Variants in DACH1 observed in about 807,000 individuals in gnomAD.
DACH1 encodes the protein dachshund homolog 1.
DACH1 carries 12 observed loss-of-function variants against 54.2 expected under a neutral mutation model. The observed-to-expected ratio is 0.22, with a 90% CI of 0.14 to 0.36. The LOEUF (loss-of-function observed/expected upper bound fraction) is 0.36, where lower values mean the gene tolerates loss of function less well. DACH1 is among the 10% of genes least tolerant of loss of function. The pLI is 1.00. For missense variants in DACH1, 805 were observed against 929.8 expected, an observed-to-expected ratio of 0.87 and a Z score of 1.75; for synonymous variants, 386 against 366.2, an observed-to-expected ratio of 1.05 and a Z score of -0.62.
At position 71,590,843 on chromosome 13, in the gene DACH1, C is replaced by T. The variant is rs146929864; in HGVS notation, c.1127-17831G>A. Reference sequence around the variant, plus strand: ...TCTACAATTTCCCAGTTTTTCTTTTCTTTTTCTCTCTCTGTCTCTGTCTCT... The same window carrying T: ...TCTACAATTTCCCAGTTTTTCTTTTTTTTTTCTCTCTCTGTCTCTGTCTCT... On this transcript the variant is annotated intron_variant, in intron 3 of 10. Transcript: ENST00000613252. Among the ~76,000 whole-genome samples the T allele has an allele frequency of 6.2e-3, 810 of 131,178 alleles. 8 individuals carry two copies. The highest frequency in any genetic ancestry group is 0.022 in the African/African-American group (776 of 35,722). 86.1% of individuals were successfully genotyped at this position (131,178 alleles called of 152,430 possible).
chr13:71,459,433 G>A (rs1468044509), intron 10 of DACH1, among the ~76,000 whole-genome samples: 4 of 151,882 alleles, frequency 2.6e-5, no homozygotes, highest in African/African-American at 9.7e-5. Context: ...AAAATTATTT[G>A]AGTGAAAGAC....
chr13:71,655,120 CAA>C (rs1438722286), intron 2 of DACH1, among the ~76,000 whole-genome samples: 1 of 152,150 alleles, frequency 6.6e-6, no homozygotes, highest in Non-Finnish European at 1.5e-5. Context: ...CAACTTTCTG[CAA>C]GAAACCTTCC....
chr13:71,651,997 C>T (rs571753129), intron 2 of DACH1, among the ~76,000 whole-genome samples: 1 of 152,078 alleles, frequency 6.6e-6, no homozygotes, highest in Admixed American at 6.5e-5. Flanking sequence ...ATTAATGAAC[C>T]CTTCATGAGT....
intron 1 of DACH1, among the ~76,000 whole-genome samples, chr13:71,717,115 A>T (rs1234955111): frequency 6.6e-6 from 1 of 152,174 alleles, no homozygotes; most frequent in African/African-American, 2.4e-5. Flanking sequence ...TTTTTACTGA[A>T]TAATCAATTA....
intron 8 of DACH1, among the ~76,000 whole-genome samples, chr13:71,477,386 G>A (rs1877667618): frequency 6.6e-6 from 1 of 151,656 alleles, no homozygotes; most frequent in Admixed American, 6.6e-5. Context: ...CTCCCAAAGT[G>A]CTGGGATTAC....
chr13:71,634,566 T>G (rs576123017), intron 2 of DACH1, among the ~76,000 whole-genome samples: 1 of 152,320 alleles, frequency 6.6e-6, no homozygotes, highest in African/African-American at 2.4e-5. Context: ...ATGTCATCAC[T>G]TAAATATTAT....
intron 6 of DACH1, among the ~76,000 whole-genome samples, chr13:71,525,937 C>T (rs1436786802): frequency 1.3e-5 from 2 of 152,012 alleles, no homozygotes; most frequent in East Asian, 3.9e-4. Context: ...TTTGAAGAAC[C>T]AAGAGATCAA....
intron 1 of DACH1, among the ~76,000 whole-genome samples, chr13:71,766,614 A>C (rs1566487620): frequency 6.6e-6 from 1 of 152,194 alleles, no homozygotes; most frequent in Non-Finnish European, 1.5e-5. Context: ...ACTGGCAGTC[A>C]GTAGACTGCC....
At chr13:71,629,431 CT>C (rs1437216111) in intron 3 of DACH1, among the ~76,000 whole-genome samples, 1 of 152,096 alleles carries the variant, frequency 6.6e-6, no homozygotes, top group Non-Finnish European at 1.5e-5. Context: ...CATTTTTCCC[CT>C]TTTTACATTA....
At position 71,439,435 on chromosome 13, in the gene DACH1, A is replaced by G. The variant is rs963142976; in HGVS notation, c.*1220T>C. 1 of 152,476 alleles carries G rather than the reference A, an allele frequency of 6.6e-6. No homozygotes were observed. Among genetic ancestry groups the G allele is most frequent in the Admixed American group, 6.6e-5 (1 of 15,242 alleles). The allele number at this position is 152,476 out of a possible 1,614,324, so 9.4% of individuals were successfully genotyped here. A position where few individuals can be genotyped will look rare whatever the true frequency, so the allele number is the denominator to read the frequency against. On this transcript the variant is annotated 3_prime_UTR_variant, in exon 11 of 11. Coordinates refer to ENST00000613252, the MANE Select transcript of DACH1 (RefSeq NM_080759.6). ...AGGGTGGGAAGCACAGCACATTTTA[A>G]CTTTATCACTCAGCGCTACATGGTA...
chr13:71,610,762 A>T (rs1414834759), intron 3 of DACH1, among the ~76,000 whole-genome samples: 1 of 152,184 alleles, frequency 6.6e-6, no homozygotes, highest in African/African-American at 2.4e-5. Flanking sequence ...GTAAACAAGA[A>T]GAAAAAGGAT....
chr13:71,511,813 T>C (rs1050392193), intron 6 of DACH1, among the ~76,000 whole-genome samples: 10 of 152,008 alleles, frequency 6.6e-5, no homozygotes, highest in African/African-American at 2.4e-4. Flanking sequence ...TGCCAGCAAC[T>C]ATTGAAACCA....
At chr13:71,476,265 C>T (rs1449357046) in intron 8 of DACH1, among the ~76,000 whole-genome samples, 1 of 152,136 alleles carries the variant, frequency 6.6e-6, no homozygotes, top group Non-Finnish European at 1.5e-5. Flanking sequence ...CCTATTTCCT[C>T]ATAGGGCATC....
chr13:71,468,046 C>A (rs1049073234), intron 10 of DACH1, among the ~76,000 whole-genome samples: 5 of 152,102 alleles, frequency 3.3e-5, no homozygotes, highest in Non-Finnish European at 7.4e-5. Flanking sequence ...AATAAAGACA[C>A]TTTTAAATAT....
chr13:71,596,903 G>A (rs538919651), intron 3 of DACH1, among the ~76,000 whole-genome samples: 174 of 152,262 alleles, frequency 1.1e-3, no homozygotes, highest in African/African-American at 4.0e-3. Context: ...AAGACTTGGA[G>A]GGGGCATAAA....
chr13:71,708,991 T>C (rs1039865897), intron 1 of DACH1, among the ~76,000 whole-genome samples: 3 of 151,558 alleles, frequency 2.0e-5, no homozygotes, highest in Non-Finnish European at 4.4e-5. Flanking sequence ...TAGCTGGGAC[T>C]ACAGGCGCCC....
At chr13:71,689,851 G>C (rs1022918950) in intron 1 of DACH1, among the ~76,000 whole-genome samples, 5 of 152,014 alleles carry the variant, frequency 3.3e-5, no homozygotes, top group African/African-American at 1.2e-4. Context: ...TCTCGCCCTC[G>C]CCCTCGCCCC....
chr13:71,537,903 G>T (rs1187288359), intron 6 of DACH1, among the ~76,000 whole-genome samples: 3 of 151,838 alleles, frequency 2.0e-5, no homozygotes, highest in African/African-American at 7.3e-5. Flanking sequence ...TTTTTCATAA[G>T]GTTCTTTCTA....
intron 1 of DACH1, among the ~76,000 whole-genome samples, chr13:71,774,949 G>A (rs1352283632): frequency 6.6e-6 from 1 of 151,816 alleles, no homozygotes; most frequent in Non-Finnish European, 1.5e-5. Flanking sequence ...TGAAATCGGT[G>A]CCATCTTGCT....
Sources: allele counts gnomAD v4.1 joint callset (sites outside exome capture counted in the v4.1 genomes callset), GRCh38; gene constraint gnomAD v4.1.1; transcripts MANE v1.5; gene names NCBI Gene and HGNC (gene_info 2026-07-23, HGNC 2026-07-21).